The following PTPRO variants were observed in gnomAD, a reference collection of about 807,000 sequenced individuals.
The protein encoded by PTPRO is protein tyrosine phosphatase receptor type O.
PTPRO carries 62 observed loss-of-function variants against 145.2 expected under a neutral mutation model. That is an observed-to-expected ratio of 0.43 (90% CI 0.35 to 0.53). PTPRO has a LOEUF of 0.53. Among genes scored for constraint, PTPRO ranks in the 20% least tolerant of loss-of-function variants. The probability of loss-of-function intolerance (pLI) is 0.01; values close to 1 mark genes in which losing one functional copy is unlikely to be tolerated. For missense variants in PTPRO, 1,345 were observed against 1,482.7 expected (o/e 0.91, Z 1.53); for synonymous variants, 565 against 514.7 (o/e 1.10, Z -1.32).
In PTPRO at chr12:15,502,215, A is replaced by G. The variant is rs1942236730; in HGVS notation, c.1105+152A>G. The G allele has an allele frequency of 6.2e-6, 5 of 800,326 alleles. No individual in the cohort carries two copies. In the South Asian group the frequency reaches 7.2e-5, roughly 12 times the overall value. The allele number at this position is 800,326 out of a possible 1,614,324, so 49.6% of individuals were successfully genotyped here. A position where few individuals can be genotyped will look rare whatever the true frequency, so the allele number is the denominator to read the frequency against. On this transcript the variant is annotated intron_variant, in intron 5 of 26. Transcript: ENST00000281171. ...AGGGGAGAATTTAATTGAGTATCCA[A>G]TGCAGACTGAGAGCAGAAAACCCAA...
intron 21 of PTPRO, among the ~76,000 whole-genome samples, 174 bp downstream of exon 21, chr12:15,580,289 T>C (rs1944282691): frequency 6.6e-6 from 1 of 152,202 alleles, no homozygotes; most frequent in Non-Finnish European, 1.5e-5. Context: ...AAAAAGTCCA[T>C]AGATTACTAA....
At chr12:15,350,669 G>C (rs1937773961) in intron 1 of PTPRO, among the ~76,000 whole-genome samples, 1 of 152,198 alleles carries the variant, frequency 6.6e-6, no homozygotes, top group South Asian at 2.1e-4. Flanking sequence ...TCTTGAAACT[G>C]CCTGGTTACT....
chr12:15,447,245 G>C (rs986518940), intron 1 of PTPRO, among the ~76,000 whole-genome samples: 9 of 152,012 alleles, frequency 5.9e-5, no homozygotes, highest in Non-Finnish European at 1.0e-4. Context: ...GGGGGGGAGG[G>C]CAGCAGTAGA....
rs79477164 is a variant in PTPRO, at chr12:15,565,827, A to G, written c.2747+199A>G. 0.045 allele frequency among the ~76,000 whole-genome samples: 6,819 copies of G among 152,266 alleles called. 487 individuals carry two copies. Among genetic ancestry groups the G allele is most frequent in the African/African-American group, 0.15 (6,246 of 41,542 alleles). ...ACTAGAAAAGTGTATCACAGAAATCACATCAGAAATAAGGACAATGTTTAT... is the reference window on the plus strand; with the variant it reads ...ACTAGAAAAGTGTATCACAGAAATCGCATCAGAAATAAGGACAATGTTTAT... On this transcript the variant is annotated intron_variant, in intron 18 of 26. Coordinates refer to ENST00000281171, the MANE Select transcript of PTPRO (RefSeq NM_030667.3).
At chr12:15,499,620 A>G in intron 4 of PTPRO, 26 bp downstream of exon 4, 5 of 1,602,326 alleles carry the variant, frequency 3.1e-6, no homozygotes, top group Non-Finnish European at 4.3e-6. Context: ...AATCAAATAC[A>G]GTGAAAAAAT....
intron 1 of PTPRO, among the ~76,000 whole-genome samples, chr12:15,416,233 T>G (rs1792251599): frequency 6.6e-6 from 1 of 151,680 alleles, no homozygotes; most frequent in South Asian, 2.1e-4. Flanking sequence ...AATGAACGAA[T>G]GAATCATGAG....
At chr12:15,353,463 A>AT (rs569634972) in intron 1 of PTPRO, among the ~76,000 whole-genome samples, 518 of 152,024 alleles carry the variant, frequency 3.4e-3, no homozygotes, top group Non-Finnish European at 5.4e-3. Flanking sequence ...CCCTTTACAG[A>AT]TTTTTTTAAC....
At position 15,425,509 on chromosome 12, in the gene PTPRO, T is replaced by C. The variant is rs149464377; in HGVS notation, c.76-58465T>C. 3.9e-4 allele frequency among the ~76,000 whole-genome samples: 59 copies of C among 152,308 alleles called. 1 individual carries two copies. The East Asian group carries it at 9.1e-3, about 23-fold the overall frequency. On this transcript the variant is annotated intron_variant, in intron 1 of 26. Coordinates refer to ENST00000281171, the MANE Select transcript of PTPRO (RefSeq NM_030667.3). ...GTTCCTTTATGATACCTGTATTTTATATCTTATTAAACAAGGCCTTGCCCA... is the reference window on the plus strand; with the variant it reads ...GTTCCTTTATGATACCTGTATTTTACATCTTATTAAACAAGGCCTTGCCCA...
rs147165417 is a variant in PTPRO, at chr12:15,549,204, G to A, written c.2415G>A (p.Thr805=). 220 of 1,607,838 alleles carry A rather than the reference G, an allele frequency of 1.4e-4. No individual in the cohort carries two copies. The highest frequency in any genetic ancestry group is 5.2e-4 in the African/African-American group (37 of 71,616). Residue 805 remains threonine, a synonymous_variant, in exon 14 of 27, where the codon ACG becomes ACA. Transcript: ENST00000281171. ...SFSHDSPSVP[T]FIAVSTMVTE... ...GCCATGACAGCCCCAGTGTCCCTAC[G>A]TTCATAGCCGTCTCAACAATGGGTA...
chr12:15,389,054 A>C (rs556778796), intron 1 of PTPRO, among the ~76,000 whole-genome samples: 2 of 151,488 alleles, frequency 1.3e-5, no homozygotes, highest in Non-Finnish European at 2.9e-5. Flanking sequence ...GTGCCAGTGC[A>C]CTCCAGACTG....
intron 1 of PTPRO, among the ~76,000 whole-genome samples, chr12:15,336,089 T>G (rs138667197): frequency 6.0e-4 from 91 of 152,292 alleles, no homozygotes; most frequent in African/African-American, 2.1e-3. Flanking sequence ...AACTGACAGA[T>G]GTTCACAGCG....
At chr12:15,462,734 G>T (rs1435238582) in intron 1 of PTPRO, among the ~76,000 whole-genome samples, 3 of 152,098 alleles carry the variant, frequency 2.0e-5, no homozygotes, top group African/African-American at 7.2e-5. Context: ...CTCAAGACAT[G>T]TAGAGAAATT....
At chr12:15,526,412 T>C in intron 12 of PTPRO, 150 bp downstream of exon 12, 1 of 1,060,056 alleles carries the variant, frequency 9.4e-7, no homozygotes, top group South Asian at 1.3e-5. Flanking sequence ...AGCAAAAGGG[T>C]ATGTTCAACT....
intron 1 of PTPRO, among the ~76,000 whole-genome samples, chr12:15,382,258 C>A (rs575718072): frequency 6.6e-6 from 1 of 151,974 alleles, no homozygotes; most frequent in Non-Finnish European, 1.5e-5. Context: ...CAATCTTAAG[C>A]TAAAGCCTAG....
chr12:15,544,197 T>C (rs1198926815), intron 12 of PTPRO, among the ~76,000 whole-genome samples: 1 of 151,900 alleles, frequency 6.6e-6, no homozygotes, highest in South Asian at 2.1e-4. Flanking sequence ...GCAATATAAT[T>C]TAAAAATAGA....
At chr12:15,326,942 A>G (rs1866462636) in intron 1 of PTPRO, among the ~76,000 whole-genome samples, 1 of 152,244 alleles carries the variant, frequency 6.6e-6, no homozygotes, top group Non-Finnish European at 1.5e-5. Flanking sequence ...AAATAAAGGA[A>G]TGTCTACTGT....
intron 1 of PTPRO, among the ~76,000 whole-genome samples, chr12:15,368,019 T>A (rs1427246394): frequency 6.6e-6 from 1 of 152,214 alleles, no homozygotes; most frequent in East Asian, 1.9e-4. Flanking sequence ...AATTCATGGA[T>A]CAATCATCTA....
At chr12:15,561,319 A>G (rs1943767514) in intron 17 of PTPRO, among the ~76,000 whole-genome samples, 1 of 152,236 alleles carries the variant, frequency 6.6e-6, no homozygotes, top group East Asian at 1.9e-4. Context: ...AAGACAATTG[A>G]CCAAATGTTC....
chr12:15,533,843 C>T (rs576657411), intron 12 of PTPRO, among the ~76,000 whole-genome samples: 10 of 152,252 alleles, frequency 6.6e-5, no homozygotes, highest in African/African-American at 2.2e-4. Flanking sequence ...GTTGGGCTAA[C>T]CTGCAGTTCA....
Sources: gnomAD v4.1 joint callset for allele counts (sites outside exome capture counted in the v4.1 genomes callset) on GRCh38, gnomAD v4.1.1 for gene constraint, MANE v1.5 for transcripts, NCBI Gene and HGNC (gene_info 2026-07-23, HGNC 2026-07-21) for gene names.